FUT8: variants seen among roughly 807,000 people sequenced by gnomAD.
The protein encoded by FUT8 is fucosyltransferase 8, also known as alpha-(1,6)-fucosyltransferase.
Under a neutral mutation model 71.3 loss-of-function variants are expected in FUT8, and 29 were observed. That is an observed-to-expected ratio of 0.41 (90% CI 0.30 to 0.55). FUT8 has a LOEUF of 0.55. Among genes scored for constraint, FUT8 ranks in the 20% least tolerant of loss-of-function variants. FUT8 has a pLI of 0.34. For synonymous variants in FUT8, 254 were observed against 239.3 expected, an observed-to-expected ratio of 1.06 and a Z score of -0.57; for missense variants, 544 against 702.1, an observed-to-expected ratio of 0.77 and a Z score of 2.55.
At chr14:65,519,160 C>T (rs1482367727) in intron 2 of FUT8, among the ~76,000 whole-genome samples, 1 of 152,082 alleles carries the variant, frequency 6.6e-6, no homozygotes, top group Non-Finnish European at 1.5e-5. Context: ...TGGTATGGAA[C>T]ATTTTAGTGA....
intron 2 of FUT8, among the ~76,000 whole-genome samples, chr14:65,470,428 G>A (rs1566767730): frequency 6.6e-6 from 1 of 152,266 alleles, no homozygotes; most frequent in East Asian, 1.9e-4. Flanking sequence ...GGTGGCTTGG[G>A]CTGCTGCCTG....
At chr14:65,504,854 A>G (rs1022105579) in intron 2 of FUT8, among the ~76,000 whole-genome samples, 1 of 152,134 alleles carries the variant, frequency 6.6e-6, no homozygotes, top group Admixed American at 6.5e-5. Context: ...GTGCAGGAGA[A>G]TGGCTTGAAC....
rs573651165 is a variant in FUT8, at chr14:65,440,422, C to T, written c.-325-15199C>T. Among the ~76,000 whole-genome samples, 68 of 151,494 alleles carry T rather than the reference C, an allele frequency of 4.5e-4. No homozygotes were observed. The South Asian group carries it at 0.014, about 32-fold the overall frequency. On this transcript the variant is annotated intron_variant, in intron 1 of 10. Transcript: ENST00000673929. ...TCTAGAATTCCTGGGCACAAGCAATCTTCCTGCCTCAGCCTACTTAGTAGC... is the reference window on the plus strand; with the variant it reads ...TCTAGAATTCCTGGGCACAAGCAATTTTCCTGCCTCAGCCTACTTAGTAGC...
At chr14:65,398,932 C>G in the FUT8 span, among the ~76,000 whole-genome samples, 6 of 152,100 alleles carry the variant, frequency 3.9e-5, no homozygotes, top group Non-Finnish European at 8.8e-5. Flanking sequence ...ATAAAAATTT[C>G]CCCACCACAA....
chr14:65,511,881 G>A (rs189556768), intron 2 of FUT8, among the ~76,000 whole-genome samples: 1 of 152,164 alleles, frequency 6.6e-6, no homozygotes, highest in Admixed American at 6.5e-5. Flanking sequence ...GGTGAGTTTA[G>A]TCCATTTACA....
intron 2 of FUT8, among the ~76,000 whole-genome samples, chr14:65,557,061 T>C (rs1885620462): frequency 2.0e-5 from 3 of 152,210 alleles, no homozygotes; most frequent in Admixed American, 2.0e-4. Flanking sequence ...TGCCAAGCAT[T>C]ATGATAAGTG....
At chr14:65,504,118 C>T (rs1160015139) in intron 2 of FUT8, among the ~76,000 whole-genome samples, 1 of 152,118 alleles carries the variant, frequency 6.6e-6, no homozygotes, top group South Asian at 2.1e-4. Flanking sequence ...CACCTACACC[C>T]CCTTCTTTAA....
At chr14:65,455,843 A>G in intron 2 of FUT8, 125 bp downstream of exon 2, 1 of 392,454 alleles carries the variant, frequency 2.5e-6, no homozygotes, top group Non-Finnish European at 4.5e-6. Flanking sequence ...AAGTCAGTCT[A>G]AACTCTGTTG....
the FUT8 span, among the ~76,000 whole-genome samples, chr14:65,365,987 G>A: frequency 2.4e-4 from 36 of 152,140 alleles, no homozygotes; most frequent in African/African-American, 7.5e-4. Context: ...ATAGGCATGC[G>A]CCACCATGCC....
chr14:65,510,582 T>C (rs558922692), intron 2 of FUT8, among the ~76,000 whole-genome samples: 7 of 152,294 alleles, frequency 4.6e-5, no homozygotes, highest in Non-Finnish European at 8.8e-5. Flanking sequence ...GTCAGACTTT[T>C]AATTATGGCT....
At chr14:65,727,153 A>G (rs1363139990) in intron 9 of FUT8, among the ~76,000 whole-genome samples, 1 of 152,130 alleles carries the variant, frequency 6.6e-6, no homozygotes, top group Non-Finnish European at 1.5e-5. Context: ...TTCCAGGTGC[A>G]TGGTGCAAGC....
At chr14:65,684,512 A>G (rs1418201235) in intron 7 of FUT8, among the ~76,000 whole-genome samples, 4 of 152,244 alleles carry the variant, frequency 2.6e-5, no homozygotes, top group African/African-American at 9.6e-5. Context: ...AATGGTTCCA[A>G]AAGCTATATT....
chr14:65,526,907 T>C (rs1883513260), intron 2 of FUT8, among the ~76,000 whole-genome samples: 1 of 152,252 alleles, frequency 6.6e-6, no homozygotes, highest in African/African-American at 2.4e-5. Flanking sequence ...CTCTTCTGGC[T>C]TGTAGAGTTT....
At chr14:65,527,976 A>G (rs1220046360) in intron 2 of FUT8, among the ~76,000 whole-genome samples, 1 of 152,160 alleles carries the variant, frequency 6.6e-6, no homozygotes, top group Admixed American at 6.5e-5. Context: ...GGTGCCTCCC[A>G]GTTAGGCTAC....
intron 6 of FUT8, among the ~76,000 whole-genome samples, chr14:65,666,946 A>G (rs533672158): frequency 2.0e-5 from 3 of 152,214 alleles, no homozygotes; most frequent in Non-Finnish European, 4.4e-5. Flanking sequence ...GATGCAGAAA[A>G]GGCTTTCAAT....
intron 6 of FUT8, among the ~76,000 whole-genome samples, chr14:65,645,752 C>T (rs115002801): frequency 4.7e-4 from 72 of 152,286 alleles, no homozygotes; most frequent in African/African-American, 1.7e-3. Flanking sequence ...TTTGACTAGG[C>T]ATCATTGAGA....
At chr14:65,535,631 T>G (rs1275279819) in intron 2 of FUT8, among the ~76,000 whole-genome samples, 1 of 152,198 alleles carries the variant, frequency 6.6e-6, no homozygotes, top group African/African-American at 2.4e-5. Flanking sequence ...TTTATTATGC[T>G]GTGTTCCGAG....
At chr14:65,708,836 G>A (rs968182630) in intron 7 of FUT8, among the ~76,000 whole-genome samples, 7 of 152,060 alleles carry the variant, frequency 4.6e-5, no homozygotes, top group African/African-American at 7.2e-5. Context: ...TGCCTGCTGC[G>A]GTCGGGGGAT....
intron 7 of FUT8, among the ~76,000 whole-genome samples, chr14:65,706,911 A>G (rs1894584478): frequency 1.3e-5 from 2 of 152,228 alleles, no homozygotes; most frequent in Non-Finnish European, 2.9e-5. Context: ...GAACGGGGCT[A>G]GTTTGTACTG....
Sources: allele counts gnomAD v4.1 joint callset (sites outside exome capture counted in the v4.1 genomes callset), GRCh38; gene constraint gnomAD v4.1.1; transcripts MANE v1.5; gene names NCBI Gene and HGNC (gene_info 2026-07-23, HGNC 2026-07-21).